Variants in PARVA observed in about 807,000 individuals in gnomAD.
The protein encoded by PARVA is parvin alpha, also known as alpha-parvin.
Under a neutral mutation model 52.6 loss-of-function variants are expected in PARVA, and 25 were observed. That is an observed-to-expected ratio of 0.48 (90% CI 0.35 to 0.66). The LOEUF (loss-of-function observed/expected upper bound fraction) is 0.66, where lower values mean the gene tolerates loss of function less well. Among genes scored for constraint, PARVA ranks in the 30% least tolerant of loss-of-function variants. The pLI is 0.01. For missense variants in PARVA, 373 were observed against 450.9 expected (o/e 0.83, Z 1.56); for synonymous variants, 185 against 179.1 (o/e 1.03, Z -0.26).
chr11:12,430,135 C>A (rs1940296608), intron 1 of PARVA, among the ~76,000 whole-genome samples: 1 of 152,026 alleles, frequency 6.6e-6, no homozygotes, highest in East Asian at 1.9e-4. Context: ...GAAGTAAATA[C>A]CCCCACTAGG....
chr11:12,407,637 C>T (rs1939931893), intron 1 of PARVA, among the ~76,000 whole-genome samples: 1 of 152,080 alleles, frequency 6.6e-6, no homozygotes, highest in Non-Finnish European at 1.5e-5. Flanking sequence ...CTTCTCACAC[C>T]CTCCTAAATG....
At chr11:12,486,351 T>C (rs542673839) in intron 4 of PARVA, among the ~76,000 whole-genome samples, 1 of 152,018 alleles carries the variant, frequency 6.6e-6, no homozygotes, top group African/African-American at 2.4e-5. Flanking sequence ...CTGACCAACA[T>C]GGAGAAACTT....
chr11:12,523,290 G>C (rs1002906944), intron 12 of PARVA, among the ~76,000 whole-genome samples: 1 of 152,110 alleles, frequency 6.6e-6, no homozygotes, highest in African/African-American at 2.4e-5. Flanking sequence ...AGGTCGGCTG[G>C]GGGCTAGAGC....
At chr11:12,526,989 T>G (rs558094684) in intron 12 of PARVA, among the ~76,000 whole-genome samples, 8 of 152,244 alleles carry the variant, frequency 5.3e-5, no homozygotes, top group Admixed American at 5.2e-4. Context: ...ATAGCTAGCC[T>G]GCCAGCTGCC....
chr11:12,392,969 C>A (rs1445247598), intron 1 of PARVA, among the ~76,000 whole-genome samples: 1 of 132,382 alleles, frequency 7.6e-6, no homozygotes, highest in Non-Finnish European at 1.5e-5. Context: ...AAAATTGTTA[C>A]AATCCCATTA....
chr11:12,474,030 T>C (rs564913389), intron 3 of PARVA, 47 bp downstream of exon 3: 11 of 1,402,130 alleles, frequency 7.8e-6, no homozygotes, highest in Non-Finnish European at 1.1e-5. Context: ...TGACCCACCA[T>C]GTGTCCATAT....
chr11:12,401,349 T>C (rs80244545), intron 1 of PARVA, among the ~76,000 whole-genome samples: 3,147 of 152,344 alleles, frequency 0.021, 119 homozygotes, highest in African/African-American at 0.072. Context: ...TAAAGGGGCT[T>C]CTTTTCCTGC....
At chr11:12,397,678 T>A (rs1939768647) in intron 1 of PARVA, among the ~76,000 whole-genome samples, 2 of 152,254 alleles carry the variant, frequency 1.3e-5, no homozygotes, top group South Asian at 4.2e-4. Context: ...TAGCCACACA[T>A]TTTTAGGCAA....
At chr11:12,481,165 A>G (rs1941081331) in intron 4 of PARVA, among the ~76,000 whole-genome samples, 1 of 152,198 alleles carries the variant, frequency 6.6e-6, no homozygotes, top group South Asian at 2.1e-4. Flanking sequence ...GCATCCATTT[A>G]GAATGCATCT....
intron 7 of PARVA, among the ~76,000 whole-genome samples, chr11:12,509,336 A>G (rs188018635): frequency 2.1e-4 from 32 of 152,256 alleles, no homozygotes; most frequent in Admixed American, 7.8e-4. Flanking sequence ...TGCTAAGCCA[A>G]CCCAACTTGA....
Position 12,377,706 on chromosome 11 carries a change from C to T in PARVA, c.59C>T (p.Pro20Leu). 1 of 1,566,542 alleles carries T rather than the reference C, an allele frequency of 6.4e-7. No homozygotes were observed. The highest frequency in any genetic ancestry group is 8.6e-7 in the Non-Finnish European group (1 of 1,161,160). Reference sequence around the variant, plus strand: ...CCCAAGTCTCCCACTCCCAAGTCGCCCCCGTCCCGCAAGAAAGATGATTCC... The same window carrying T: ...CCCAAGTCTCCCACTCCCAAGTCGCTCCCGTCCCGCAAGAAAGATGATTCC... ...SVPKSPTPKS[P>L]PSRKKDDSFL... The change falls in exon 1 of 13, where the codon CCC becomes CTC. Residue 20 changes from proline (P) to leucine (L), a missense_variant. Transcript: ENST00000334956.
chr11:12,394,406 A>T (rs1253918222), intron 1 of PARVA, among the ~76,000 whole-genome samples: 2 of 152,218 alleles, frequency 1.3e-5, no homozygotes, highest in African/African-American at 4.8e-5. Context: ...GGGAGATCTG[A>T]TGATATTAAG....
At chr11:12,399,146 G>T in intron 1 of PARVA, among the ~76,000 whole-genome samples, 1 of 152,180 alleles carries the variant, frequency 6.6e-6, no homozygotes, top group East Asian at 1.9e-4. Flanking sequence ...CTGCCGCTCA[G>T]TATATATTAC....
intron 1 of PARVA, among the ~76,000 whole-genome samples, chr11:12,428,646 C>T (rs560428487): frequency 1.3e-5 from 2 of 152,212 alleles, no homozygotes; most frequent in South Asian, 2.1e-4. Context: ...GATATTCATG[C>T]GTGTCTGAAT....
intron 4 of PARVA, among the ~76,000 whole-genome samples, chr11:12,492,802 A>G (rs115159835): frequency 0.025 from 3,757 of 152,018 alleles, 69 homozygotes; most frequent in Non-Finnish European, 0.035. Flanking sequence ...AATAGCTTTC[A>G]TGTTTACCAG....
intron 1 of PARVA, among the ~76,000 whole-genome samples, chr11:12,448,318 C>G (rs1488561360): frequency 6.6e-6 from 1 of 152,140 alleles, no homozygotes. Flanking sequence ...ATGGGTGCAG[C>G]CGTGATCCTT....
intron 12 of PARVA, among the ~76,000 whole-genome samples, chr11:12,525,947 G>T (rs945569780): frequency 6.6e-6 from 1 of 152,134 alleles, no homozygotes; most frequent in South Asian, 2.1e-4. Context: ...GTTCCCCCAA[G>T]CCCTGGGCCC....
At position 12,467,317 on chromosome 11, in the gene PARVA, C is replaced by T. The variant is rs575613001; in HGVS notation, c.137-6428C>T. 8.5e-5 allele frequency among the ~76,000 whole-genome samples: 13 copies of T among 152,248 alleles called. No homozygotes were observed. The South Asian group carries it at 2.5e-3, about 29-fold the overall frequency. ...TTTATGGTTGATTCTTTAGAAATAT[C>T]ACCGGCAAACAAAGACAATTTCTTC... On this transcript the variant is annotated intron_variant, in intron 1 of 12. Transcript: ENST00000334956.
chr11:12,498,793 A>G (rs570285203), intron 5 of PARVA, among the ~76,000 whole-genome samples: 1 of 152,202 alleles, frequency 6.6e-6, no homozygotes, highest in South Asian at 2.1e-4. Flanking sequence ...GCTGGTCTCA[A>G]AGTCCTGACT....
Sources: gnomAD v4.1 joint callset for allele counts (sites outside exome capture counted in the v4.1 genomes callset) on GRCh38, gnomAD v4.1.1 for gene constraint, MANE v1.5 for transcripts, NCBI Gene and HGNC (gene_info 2026-07-23, HGNC 2026-07-21) for gene names.